ABL2: variants seen among roughly 807,000 people sequenced by gnomAD.
The protein encoded by ABL2 is ABL proto-oncogene 2, non-receptor tyrosine kinase.
In ABL2, 49 loss-of-function variants were observed where a neutral mutation model predicts 107.7. The ratio of observed to expected loss-of-function variants is 0.45; its 90% CI spans 0.36 to 0.58. ABL2 has a LOEUF of 0.58. ABL2 is among the 20% of genes least tolerant of loss of function. The pLI is 0.00. For missense variants in ABL2, 1,245 were observed against 1,457.0 expected, an observed-to-expected ratio of 0.85 and a Z score of 2.37; for synonymous variants, 549 against 548.6, an observed-to-expected ratio of 1.00 and a Z score of -0.01.
chr1:179,134,444 C>A (rs561855426), intron 1 of ABL2, among the ~76,000 whole-genome samples: 2 of 152,200 alleles, frequency 1.3e-5, no homozygotes, highest in East Asian at 3.9e-4. Context: ...GTGGAGGCTG[C>A]GTGGAGCCTG....
rs1182376991 is a variant in ABL2 at position 179,126,278 on chromosome 1, AC to A, written c.687+98del. 7.5e-7 allele frequency: 1 copy of A among 1,336,768 alleles called. No homozygotes were observed. The highest frequency in any genetic ancestry group is 1.0e-6 in the Non-Finnish European group (1 of 977,236). 82.8% of individuals were successfully genotyped at this position (1,336,768 alleles called of 1,614,324 possible). A position where few individuals can be genotyped will look rare whatever the true frequency, so the allele number is the denominator to read the frequency against. On this transcript the variant is annotated intron_variant, in intron 4 of 11. Coordinates refer to ENST00000502732, the MANE Select transcript of ABL2 (RefSeq NM_007314.4). The surrounding 1 kb of genome is among the most constrained non-coding windows in gnomAD (Gnocchi z 4.4). ...ACAAAGCTAGTGAATATTTTATTTC[AC>A]GTCAGACATAAAATCTATTATTTCA...
rs1264145902 is a variant in ABL2 at position 179,106,991 on chromosome 1, A to G, written c.*727T>C. On this transcript the variant is annotated 3_prime_UTR_variant, in exon 12 of 12. Coordinates refer to ENST00000502732, the MANE Select transcript of ABL2 (RefSeq NM_007314.4). ...GGCAGGAAGCCGATCCTGGTCCATT[A>G]TGAAATAATATACCAGACTGGGAGA... 1 of 229,834 alleles carries G rather than the reference A, an allele frequency of 4.4e-6. No individual in the cohort carries two copies. Among genetic ancestry groups the G allele is most frequent in the Non-Finnish European group, 8.6e-6 (1 of 115,996 alleles). 14.2% of individuals were successfully genotyped at this position (229,834 alleles called of 1,614,324 possible).
chr1:179,144,912 T>C (rs914079223), intron 1 of ABL2, among the ~76,000 whole-genome samples: 2 of 152,232 alleles, frequency 1.3e-5, no homozygotes, highest in African/African-American at 4.8e-5. Context: ...ATGTAGACTC[T>C]ATACCATATG....
At chr1:179,215,943 GAA>G (rs1662539611) in intron 1 of ABL2, among the ~76,000 whole-genome samples, 1 of 152,090 alleles carries the variant, frequency 6.6e-6, no homozygotes, top group African/African-American at 2.4e-5. Context: ...CACACAGAGA[GAA>G]ACATGTTAAC....
chr1:179,158,558 T>A (rs1477892050), intron 1 of ABL2, among the ~76,000 whole-genome samples: 1 of 152,156 alleles, frequency 6.6e-6, no homozygotes, highest in Non-Finnish European at 1.5e-5. Context: ...TGCACTTACG[T>A]AGTGAAACTG....
Position 179,120,232 on chromosome 1 carries a change from C to T in ABL2, c.1003G>A (p.Val335Ile), listed in dbSNP as rs1312104419. Residue 335 changes from valine (V) to isoleucine (I), a missense_variant, in exon 6 of 12, where the codon GTA becomes ATA. Val to Ile is a conservative substitution (Grantham distance 29, BLOSUM62 3). Around this residue, in one of 3 missense-constraint regions of ABL2, gnomAD observed 320 missense variants for 547.0 expected, o/e 0.59. Transcript: ENST00000502732. ...TTAGGATGCTTGATTTCCTTCATTACTGCAGCTTCTTTCAGGAATTCTTCT... is the reference window on the plus strand; with the variant it reads ...TTAGGATGCTTGATTTCCTTCATTATTGCAGCTTCTTTCAGGAATTCTTCT... ...EVEEFLKEAA[V>I]MKEIKHPNLV... 1 of 1,607,612 alleles carries T rather than the reference C, an allele frequency of 6.2e-7. No homozygotes were observed. The highest frequency in any genetic ancestry group is 8.5e-7 in the Non-Finnish European group (1 of 1,176,820).
intron 1 of ABL2, among the ~76,000 whole-genome samples, chr1:179,177,353 C>T (rs1254839028): frequency 2.0e-5 from 3 of 152,194 alleles, no homozygotes; most frequent in Non-Finnish European, 4.4e-5. Flanking sequence ...CAAAGAGGCA[C>T]AGAAACAGCC....
At chr1:179,163,213 C>T (rs1659170578) in intron 1 of ABL2, among the ~76,000 whole-genome samples, 1 of 152,182 alleles carries the variant, frequency 6.6e-6, no homozygotes, top group Non-Finnish European at 1.5e-5. Context: ...ATGGCTAAGA[C>T]AGAAAATACT....
intron 1 of ABL2, among the ~76,000 whole-genome samples, chr1:179,174,271 G>A (rs1366515650): frequency 2.0e-5 from 3 of 150,266 alleles, no homozygotes; most frequent in African/African-American, 4.9e-5. Flanking sequence ...CTGGGCGAAA[G>A]AGCAAGACTC....
intron 1 of ABL2, among the ~76,000 whole-genome samples, chr1:179,210,439 C>G: frequency 7.5e-6 from 1 of 133,708 alleles, no homozygotes; most frequent in Admixed American, 9.4e-5. Flanking sequence ...GGGAGGTGGA[C>G]GTTGCAGTGA....
At chr1:179,136,269 G>C (rs948834410) in intron 1 of ABL2, among the ~76,000 whole-genome samples, 62 of 151,924 alleles carry the variant, frequency 4.1e-4, no homozygotes, top group African/African-American at 1.5e-3. Flanking sequence ...GAATAGAAAG[G>C]GGGGAAAGGT....
chr1:179,169,557 A>T (rs1043330815), intron 1 of ABL2, among the ~76,000 whole-genome samples: 1 of 152,094 alleles, frequency 6.6e-6, no homozygotes, highest in Non-Finnish European at 1.5e-5. Flanking sequence ...CAAAATAAAA[A>T]AAAAAAAAGA....
At chr1:179,171,653 G>C (rs1365136073) in intron 1 of ABL2, among the ~76,000 whole-genome samples, 1 of 152,112 alleles carries the variant, frequency 6.6e-6, no homozygotes, top group East Asian at 1.9e-4. Flanking sequence ...CTCCCAAGTA[G>C]TTGGGACTAT....
chr1:179,207,381 A>G (rs1417400798), intron 1 of ABL2, among the ~76,000 whole-genome samples: 1 of 152,174 alleles, frequency 6.6e-6, no homozygotes, highest in Non-Finnish European at 1.5e-5. Context: ...CTGGTAATTA[A>G]GCCTAGGCAC....
In ABL2 at chr1:179,117,609, TTAAG is replaced by T. The variant is rs1230805669; in HGVS notation, c.1224-97_1224-94del. ...TCTTGGTTTTGTGTTATAGGCAGAG[TTAAG>T]TAAGTGCTGACAAATATGGTAGTAT... On this transcript the variant is annotated intron_variant, in intron 7 of 11. Coordinates refer to ENST00000502732, the MANE Select transcript of ABL2 (RefSeq NM_007314.4). 3 of 1,291,464 alleles carry T rather than the reference TTAAG, an allele frequency of 2.3e-6. No homozygotes were observed. The African/African-American group carries it at 4.4e-5, about 19-fold the overall frequency. 80.0% of individuals were successfully genotyped at this position (1,291,464 alleles called of 1,614,324 possible).
At chr1:179,203,656 C>T (rs1223675664) in intron 1 of ABL2, among the ~76,000 whole-genome samples, 1 of 152,160 alleles carries the variant, frequency 6.6e-6, no homozygotes, top group Non-Finnish European at 1.5e-5. Context: ...CAATAGCTTA[C>T]AGTTAGGTCT....
intron 1 of ABL2, among the ~76,000 whole-genome samples, chr1:179,148,263 C>T (rs781407928): frequency 3.9e-5 from 6 of 151,962 alleles, no homozygotes; most frequent in Non-Finnish European, 8.8e-5. Flanking sequence ...TGCTCTCAAA[C>T]TCCTGAGCTC....
At chr1:179,186,760 A>G (rs954433434) in intron 1 of ABL2, among the ~76,000 whole-genome samples, 3 of 150,772 alleles carry the variant, frequency 2.0e-5, no homozygotes, top group Non-Finnish European at 4.4e-5. Flanking sequence ...ATTTATTTAC[A>G]GAGTCTCGTT....
At chr1:179,199,463 C>CT (rs1398655878) in intron 1 of ABL2, among the ~76,000 whole-genome samples, 1 of 151,654 alleles carries the variant, frequency 6.6e-6, no homozygotes, top group Non-Finnish European at 1.5e-5. Flanking sequence ...AGAAGAGAAA[C>CT]ACAAACTTTA....
Sources: gnomAD v4.1 joint callset for allele counts (sites outside exome capture counted in the v4.1 genomes callset) on GRCh38, gnomAD v4.1.1 for gene constraint, gnomAD v4.1.1 regional missense constraint, Gnocchi (gnomAD v3.1) non-coding constraint, MANE v1.5 for transcripts, NCBI Gene and HGNC (gene_info 2026-07-23, HGNC 2026-07-21) for gene names.